The following ZNF335 variants were observed in gnomAD, a reference collection of about 807,000 sequenced individuals.
The protein encoded by ZNF335 is zinc finger protein 335.
In ZNF335, 84 loss-of-function variants were observed where a neutral mutation model predicts 145.6. That is an observed-to-expected ratio of 0.58 (90% CI 0.48 to 0.69). ZNF335 has a LOEUF of 0.69. Ranked by LOEUF, ZNF335 falls within the 30% of genes least tolerant of loss-of-function variation. ZNF335 has a pLI of 0.00. For synonymous variants in ZNF335, 761 were observed against 717.0 expected (o/e 1.06, Z -0.98); for missense variants, 1,865 against 1,809.7 (o/e 1.03, Z -0.55).
chr20:45,949,426 C>T (rs1300894705), intron 25 of ZNF335, 28 bp from the exon 26 acceptor site: 28 of 1,613,936 alleles, frequency 1.7e-5, no homozygotes, highest in Middle Eastern at 1.6e-4. Context: ...AGCTGTGATC[C>T]TAGGGAGAGG....
At position 45,965,525 on chromosome 20, in the gene ZNF335, G is replaced by A. The variant is rs2083934688; in HGVS notation, c.1102+103C>T. 2.1e-6 allele frequency: 3 copies of A among 1,397,894 alleles called. No homozygotes were observed. In the South Asian group the frequency reaches 4.1e-5, roughly 19 times the overall value. The allele number at this position is 1,397,894 out of a possible 1,614,324, so 86.6% of individuals were successfully genotyped here. A position where few individuals can be genotyped will look rare whatever the true frequency, so the allele number is the denominator to read the frequency against. ...GCAGGTGACCCGGTTTGAGACAGCT[G>A]CCCTGCAGGGCACACTCAGTCCCCA... On this transcript the variant is annotated intron_variant, in intron 7 of 27. Coordinates refer to ENST00000322927, the MANE Select transcript of ZNF335 (RefSeq NM_022095.4).
chr20:45,967,343 G>T (rs1490501596), intron 6 of ZNF335, 151 bp downstream of exon 6: 5 of 1,202,302 alleles, frequency 4.2e-6, no homozygotes, highest in Non-Finnish European at 5.9e-6. Flanking sequence ...CAGAAGTCCT[G>T]GTCCCAGAGC....
chr20:45,958,731 T>C (rs6032602), intron 15 of ZNF335, among the ~76,000 whole-genome samples: 15,574 of 152,260 alleles, frequency 0.1, 1,013 homozygotes, highest in East Asian at 0.35. Flanking sequence ...TCATGAGGAA[T>C]GATGGATAGA....
chr20:45,967,500 G>A lies in ZNF335; in HGVS notation c.949C>T (p.Leu317=), dbSNP rs1313142559. The A allele has an allele frequency of 6.2e-7, 1 of 1,613,956 alleles. No individual in the cohort carries two copies. Among genetic ancestry groups the A allele is most frequent in the Non-Finnish European group, 8.5e-7 (1 of 1,180,016 alleles). Residue 317 remains leucine (L), a synonymous_variant, in exon 6 of 28, where the codon CTG becomes TTG. Transcript: ENST00000322927. ...DIVDAGAIDD[L]EEDSDYNPAE... The stretch of plus-strand genomic sequence containing the variant: ...AGAAACCATGGTGGCCTACCCTCCA[G>A]GTCATCAATGGCTCCAGCGTCTACA...
At chr20:45,951,219 C>G (rs2083625652) in intron 20 of ZNF335, among the ~76,000 whole-genome samples, 1 of 152,242 alleles carries the variant, frequency 6.6e-6, no homozygotes, top group Non-Finnish European at 1.5e-5. Context: ...GGGCTGAGGC[C>G]TGATAGGGCG....
chr20:45,963,963 G>A lies in ZNF335; in HGVS notation c.1130C>T (p.Ser377Phe), dbSNP rs2083903070. 9.8e-6 allele frequency: 15 copies of A among 1,528,686 alleles called. No homozygotes were observed. The highest frequency in any genetic ancestry group is 1.1e-5 in the Non-Finnish European group (13 of 1,140,428). 94.7% of individuals were successfully genotyped at this position (1,528,686 alleles called of 1,614,324 possible). A position where few individuals can be genotyped will look rare whatever the true frequency, so the allele number is the denominator to read the frequency against. Residue 377 changes from serine (S) to phenylalanine (F), a missense_variant, in exon 8 of 28, where the codon TCC (serine) becomes TTC (phenylalanine). Coordinates refer to ENST00000322927, the MANE Select transcript of ZNF335 (RefSeq NM_022095.4). Reference protein sequence around the residue: ...DGVEGEPLVSSQSGQSPPEPQ... With the variant: ...DGVEGEPLVSFQSGQSPPEPQ... Reference sequence around the variant, plus strand: ...CTCTGGAGGGCTCTGTCCACTCTGGGAACTCACTAGAGGCTCTCCTTCCAC... The same window carrying A: ...CTCTGGAGGGCTCTGTCCACTCTGGAAACTCACTAGAGGCTCTCCTTCCAC...
Position 45,971,842 on chromosome 20 carries a change from C to A in ZNF335, c.-51+280G>T, listed in dbSNP as rs899476895. 8 of 976,346 alleles carry A rather than the reference C, an allele frequency of 8.2e-6. No homozygotes were observed. The East Asian group carries it at 4.6e-4, about 56-fold the overall frequency. The allele number at this position is 976,346 out of a possible 1,614,324, so 60.5% of individuals were successfully genotyped here. ...TGGCCCCCTGGGTCAGTGGTTCGCT[C>A]CCCCCCGGTTCCCCTGCGGAGGCGG... On this transcript the variant is annotated intron_variant, in intron 1 of 27. Transcript: ENST00000322927.
At position 45,950,689 on chromosome 20, in the gene ZNF335, C is replaced by A. The variant is rs1401656977; in HGVS notation, c.3190-94G>T. ...GCTGACAGCTGGTCAGGGAACCAGA[C>A]AAAGTGGACCTGGGAAAACCAAAAT... On this transcript the variant is annotated intron_variant, in intron 20 of 27. Coordinates refer to ENST00000322927, the MANE Select transcript of ZNF335 (RefSeq NM_022095.4). The A allele has an allele frequency of 3.9e-6, 6 of 1,554,052 alleles. No individual in the cohort carries two copies. In the African/African-American group the frequency reaches 5.5e-5, roughly 14 times the overall value.
rs757199611 is a variant in ZNF335, at chr20:45,953,673, A to G, written c.2702+16T>C. The G allele has an allele frequency of 1.9e-6, 3 of 1,610,048 alleles. No individual in the cohort carries two copies. Among genetic ancestry groups the G allele is most frequent in the Admixed American group, 3.3e-5 (2 of 59,916 alleles). Reference sequence around the variant, plus strand: ...TACAAAAAGCTGAAAGGGGCCTTGCAGGCAGCAGGTCTCACCTGTAAGGTG... The same window carrying G: ...TACAAAAAGCTGAAAGGGGCCTTGCGGGCAGCAGGTCTCACCTGTAAGGTG... On this transcript the variant is annotated intron_variant, in intron 18 of 27. Transcript: ENST00000322927.
At position 45,971,259 on chromosome 20, in the gene ZNF335, G is replaced by T. The variant is rs572517129; in HGVS notation, c.152C>A (p.Ala51Asp). The change falls in exon 2 of 28, where the codon GCC becomes GAC. Residue 51 changes from alanine (A) to aspartate (D), a missense_variant. Transcript: ENST00000322927. The stretch of plus-strand genomic sequence containing the variant: ...GCTTTGCCCCACGCCAGAGTCATCG[G>T]CCTCTGCCTGCCCCGGGGCGGCCGC... The part of the protein sequence containing the change: ...DAAAAPGQAE[A>D]DDSGVGQSSD... 4 of 1,562,224 alleles carry T rather than the reference G, an allele frequency of 2.6e-6. No homozygotes were observed. In the East Asian group the frequency reaches 7.1e-5, roughly 28 times the overall value.
intron 18 of ZNF335, 25 bp downstream of exon 18, chr20:45,953,664 G>A: frequency 6.2e-7 from 1 of 1,608,554 alleles, no homozygotes; most frequent in South Asian, 1.1e-5. Flanking sequence ...AAGCTGAAAG[G>A]GGCCTTGCAG....
intron 5 of ZNF335, 37 bp downstream of exon 5, chr20:45,967,697 C>T: frequency 6.2e-7 from 1 of 1,608,662 alleles, no homozygotes; most frequent in South Asian, 1.1e-5. Context: ...CCACCCCTAC[C>T]CATGCAGTCC....
chr20:45,949,937 G>A (rs1304454954), intron 23 of ZNF335, 29 bp downstream of exon 23: 1 of 1,613,924 alleles, frequency 6.2e-7, no homozygotes, highest in Non-Finnish European at 8.5e-7. Context: ...CCTGTCGCTG[G>A]CCAGAGGGCC....
In ZNF335 at chr20:45,952,490, C is replaced by T; in HGVS notation, c.2846G>A (p.Ser949Asn). The change falls in exon 20 of 28, where the codon AGT (serine) becomes AAT (asparagine). Residue 949 changes from serine (S) to asparagine (N), a missense_variant. Physicochemically the swap from Ser to Asn is conservative, Grantham distance 46. Coordinates refer to ENST00000322927, the MANE Select transcript of ZNF335 (RefSeq NM_022095.4). ...GGCACCAGAGGCCAGAGCATCTGGA[C>T]TTGGGAAGGAGATGGAGCCATCTGC... ...LTADGSISFP[S>N]PDALASGAKW... 5 of 1,567,974 alleles carry T rather than the reference C, an allele frequency of 3.2e-6. No individual in the cohort carries two copies. Among genetic ancestry groups the T allele is most frequent in the Non-Finnish European group, 4.3e-6 (5 of 1,152,884 alleles).
intron 2 of ZNF335, chr20:45,970,340 G>A (rs1373032775): frequency 1.3e-5 from 2 of 152,482 alleles, no homozygotes; most frequent in East Asian, 3.8e-4. Context: ...CCACTGCTGT[G>A]TACTTCTATC....
chr20:45,956,374 G>A (rs776828864), intron 17 of ZNF335, among the ~76,000 whole-genome samples: 4 of 151,980 alleles, frequency 2.6e-5, no homozygotes, highest in Non-Finnish European at 4.4e-5. Flanking sequence ...GATTACAGAC[G>A]TGTGCCACCA....
intron 2 of ZNF335, 39 bp downstream of exon 2, chr20:45,971,171 G>T: frequency 2.7e-6 from 4 of 1,486,576 alleles, no homozygotes; most frequent in Non-Finnish European, 2.7e-6. Flanking sequence ...GCTGCTCGCG[G>T]TCCTTGCCTC....
At chr20:45,955,146 C>T (rs1348833146) in intron 17 of ZNF335, among the ~76,000 whole-genome samples, 9 of 151,516 alleles carry the variant, frequency 5.9e-5, no homozygotes, top group Admixed American at 3.9e-4. Context: ...GTCAGGAAAT[C>T]GAGACCATCC....
Position 45,969,541 on chromosome 20 carries a change from G to A in ZNF335, c.352C>T (p.Leu118=). 6.3e-7 allele frequency: 1 copy of A among 1,593,582 alleles called. No homozygotes were observed. Among genetic ancestry groups the A allele is most frequent in the Non-Finnish European group, 8.6e-7 (1 of 1,163,342 alleles). ...GAGGAAGCTGTGCAGTCGGACACCA[G>A]CATGTTGGGGTCTGGGAGTGCACTA... ...HSSALPDPNM[L]VSDCTASSSD... Residue 118 remains leucine (L), a synonymous_variant, in exon 3 of 28, where the codon CTG becomes TTG. Coordinates refer to ENST00000322927, the MANE Select transcript of ZNF335 (RefSeq NM_022095.4).
Sources: allele counts gnomAD v4.1 joint callset (sites outside exome capture counted in the v4.1 genomes callset), GRCh38; gene constraint gnomAD v4.1.1; transcripts MANE v1.5; gene names NCBI Gene and HGNC (gene_info 2026-07-23, HGNC 2026-07-21).